THEMIS: variants seen among roughly 807,000 people sequenced by gnomAD.
The protein encoded by THEMIS is thymocyte selection associated, also known as protein THEMIS.
THEMIS carries 37 observed loss-of-function variants against 52.6 expected under a neutral mutation model. That is an observed-to-expected ratio of 0.70 (90% confidence interval 0.54 to 0.93). The LOEUF is 0.93. THEMIS is among the 40% of genes least tolerant of loss of function. THEMIS has a pLI of 0.00. For missense variants in THEMIS, 808 were observed against 763.1 expected (o/e 1.06, Z -0.69); for synonymous variants, 292 against 272.7 (o/e 1.07, Z -0.70).
At chr6:127,784,537 C>G (rs1776857147) in intron 4 of THEMIS, among the ~76,000 whole-genome samples, 1 of 152,174 alleles carries the variant, frequency 6.6e-6, no homozygotes, top group Non-Finnish European at 1.5e-5. Context: ...ATTAAATCCT[C>G]TCACACACAC....
chr6:127,793,926 G>C (rs1428568279), intron 4 of THEMIS, among the ~76,000 whole-genome samples: 1 of 152,098 alleles, frequency 6.6e-6, no homozygotes, highest in East Asian at 1.9e-4. Context: ...GTTGTTGTTG[G>C]CTTTCCCACT....
chr6:127,811,486 G>T (rs77722375), intron 4 of THEMIS, among the ~76,000 whole-genome samples: 10,629 of 152,216 alleles, frequency 0.07, 378 homozygotes, highest in Non-Finnish European at 0.086. Flanking sequence ...ATCTGGAAAG[G>T]TTCTTGTAAG....
At chr6:127,751,056 T>A (rs573869320) in intron 4 of THEMIS, among the ~76,000 whole-genome samples, 2 of 151,862 alleles carry the variant, frequency 1.3e-5, no homozygotes, top group South Asian at 4.1e-4. Context: ...AAGGGTATAG[T>A]CAAATCTAAA....
At chr6:127,876,288 G>C (rs1450868990) in intron 1 of THEMIS, among the ~76,000 whole-genome samples, 2 of 152,124 alleles carry the variant, frequency 1.3e-5, no homozygotes, top group Non-Finnish European at 2.9e-5. Context: ...AATTTCAAGT[G>C]AAAAAAATAA....
chr6:127,821,627 C>A (rs892640112), intron 3 of THEMIS, among the ~76,000 whole-genome samples: 1 of 151,636 alleles, frequency 6.6e-6, no homozygotes, highest in South Asian at 2.1e-4. Flanking sequence ...CAGGGAAAGT[C>A]CCTTCACAGG....
chr6:127,754,484 A>G (rs974163719), intron 4 of THEMIS, among the ~76,000 whole-genome samples: 5 of 152,168 alleles, frequency 3.3e-5, no homozygotes, highest in Admixed American at 1.3e-4. Flanking sequence ...CCATTGGTCA[A>G]TTCCTCTCAT....
At position 127,906,753 on chromosome 6, in the gene THEMIS, GA is replaced by G. The variant is rs773193912; in HGVS notation, c.-149-5673del. On this transcript the variant is annotated intron_variant, in intron 1 of 6. Transcript: ENST00000368250. ...AAATTTCTGCTAAAGAACAGAGAAG[GA>G]CTTGGCTATGAAATGATGATTAAAT... Among the ~76,000 whole-genome samples, 101 of 151,834 alleles carry G rather than the reference GA, an allele frequency of 6.7e-4. 1 individual carries two copies. Among genetic ancestry groups the G allele is most frequent in the East Asian group, 1.9e-4 (1 of 5,178 alleles).
chr6:127,771,721 C>T (rs927831505), intron 4 of THEMIS, among the ~76,000 whole-genome samples: 1 of 152,076 alleles, frequency 6.6e-6, no homozygotes, highest in Non-Finnish European at 1.5e-5. Flanking sequence ...TTCACTTAAG[C>T]ATTGATTGTT....
chr6:127,839,060 A>C, intron 2 of THEMIS, among the ~76,000 whole-genome samples: 1 of 152,080 alleles, frequency 6.6e-6, no homozygotes, highest in South Asian at 2.1e-4. Context: ...GAATATGTTC[A>C]CTTGTTTATT....
In THEMIS at chr6:127,881,997, CAA is replaced by C. The variant is rs5879865; in HGVS notation, c.91+18843_91+18844del. Among the ~76,000 whole-genome samples the C allele has an allele frequency of 1.9e-3, 223 of 118,142 alleles. 1 individual carries two copies. The highest frequency in any genetic ancestry group is 3.7e-3 in the Admixed American group (46 of 12,322). 77.5% of individuals were successfully genotyped at this position (118,142 alleles called of 152,430 possible). A position where few individuals can be genotyped will look rare whatever the true frequency, so the allele number is the denominator to read the frequency against. ...GTAGCTGAAGTGTCATCTTATACAGCAAAAAAAAAAAAAAAATGGTCTCCAAG... is the reference window on the plus strand; with the variant it reads ...GTAGCTGAAGTGTCATCTTATACAGCAAAAAAAAAAAAAATGGTCTCCAAG... On this transcript the variant is annotated intron_variant, in intron 1 of 5. Transcript: ENST00000368248.
chr6:127,810,788 A>T (rs1473773154), intron 4 of THEMIS, among the ~76,000 whole-genome samples: 1 of 152,086 alleles, frequency 6.6e-6, no homozygotes, highest in Non-Finnish European at 1.5e-5. Flanking sequence ...TTTCATTTTT[A>T]AATTTTGAGC....
Position 127,813,450 on chromosome 6 carries a change from A to C in THEMIS, c.1191T>G (p.Thr397=). The change falls in exon 4 of 6, where the codon ACT becomes ACG. Residue 397 remains threonine, a synonymous_variant. Transcript: ENST00000368248. ...TTTTTATTCCCTCACAGAGGACTTCAGTCGTCTCTGACTGATGCACCAGAA... is the reference window on the plus strand; with the variant it reads ...TTTTTATTCCCTCACAGAGGACTTCCGTCGTCTCTGACTGATGCACCAGAA... ...DQFLVHQSET[T]EVLCEGIKKV... The C allele has an allele frequency of 6.2e-7, 1 of 1,614,060 alleles. No homozygotes were observed.
intron 5 of THEMIS, among the ~76,000 whole-genome samples, chr6:127,713,307 C>G (rs890395321): frequency 6.6e-6 from 1 of 151,830 alleles, no homozygotes; most frequent in Non-Finnish European, 1.5e-5. Context: ...AGAGATGAGT[C>G]TTCTATGTGT....
At chr6:127,859,631 T>A (rs1408729857) in intron 1 of THEMIS, among the ~76,000 whole-genome samples, 1 of 152,106 alleles carries the variant, frequency 6.6e-6, no homozygotes, top group Non-Finnish European at 1.5e-5. Context: ...GGTTTTTGCA[T>A]GGGTTATATC....
intron 3 of THEMIS, among the ~76,000 whole-genome samples, chr6:127,819,789 A>C (rs1011557702): frequency 1.3e-5 from 2 of 152,218 alleles, no homozygotes; most frequent in Non-Finnish European, 2.9e-5. Context: ...ATTTCTAAAA[A>C]AATTCTTCAG....
intron 4 of THEMIS, among the ~76,000 whole-genome samples, chr6:127,760,079 A>G (rs914463885): frequency 7.3e-6 from 1 of 136,926 alleles, no homozygotes; most frequent in African/African-American, 2.5e-5. Context: ...TAAGAATCGA[A>G]TCTCTTTTTT....
At chr6:127,868,851 T>C (rs1780065731) in intron 1 of THEMIS, among the ~76,000 whole-genome samples, 1 of 152,190 alleles carries the variant, frequency 6.6e-6, no homozygotes, top group African/African-American at 2.4e-5. Flanking sequence ...TGCTTATGTG[T>C]TGACTTTTAA....
intron 1 of THEMIS, among the ~76,000 whole-genome samples, chr6:127,868,159 A>C (rs969457299): frequency 6.6e-6 from 1 of 152,158 alleles, no homozygotes; most frequent in South Asian, 2.1e-4. Context: ...TTGAGCATCA[A>C]ATAAAATTAT....
rs955762829 is a variant in THEMIS, at chr6:127,892,886, G to C, written c.91+7956C>G. On this transcript the variant is annotated intron_variant, in intron 1 of 5. Transcript: ENST00000368248. The stretch of plus-strand genomic sequence containing the variant: ...AATGATTTATTGTTTCATTAGCATT[G>C]TTGATAGTAGATTTGAATTTTTTAA... Among the ~76,000 whole-genome samples the C allele has an allele frequency of 2.0e-5, 3 of 152,064 alleles. No homozygotes were observed. The East Asian group carries it at 5.8e-4, about 29-fold the overall frequency.
Sources: allele counts gnomAD v4.1 joint callset (sites outside exome capture counted in the v4.1 genomes callset), GRCh38; gene constraint gnomAD v4.1.1; transcripts MANE v1.5; gene names NCBI Gene and HGNC (gene_info 2026-07-23, HGNC 2026-07-21).